Variants in FHAD1 observed in about 807,000 individuals in gnomAD.
The protein encoded by FHAD1 is forkhead associated phosphopeptide binding domain 1.
In FHAD1, 146 loss-of-function variants were observed where a neutral mutation model predicts 191.3. The observed-to-expected ratio is 0.76, with a 90% CI of 0.67 to 0.88. The LOEUF (loss-of-function observed/expected upper bound fraction) is 0.88. FHAD1 is among the 40% of genes least tolerant of loss of function. The probability of loss-of-function intolerance (pLI) is 0.00; values close to 1 mark genes in which losing one functional copy is unlikely to be tolerated. For synonymous variants in FHAD1, 616 were observed against 672.3 expected (o/e 0.92, Z 1.29); for missense variants, 1,635 against 1,785.8 (o/e 0.92, Z 1.52).
At chr1:15,350,002 G>T (rs957348534) in intron 19 of FHAD1, among the ~76,000 whole-genome samples, 1 of 152,224 alleles carries the variant, frequency 6.6e-6, no homozygotes, top group Non-Finnish European at 1.5e-5. Context: ...GCATCTCCAT[G>T]AGCTGGGCTT....
At chr1:15,268,979 A>C (rs909300777) in intron 2 of FHAD1, among the ~76,000 whole-genome samples, 11 of 152,026 alleles carry the variant, frequency 7.2e-5, no homozygotes, top group African/African-American at 2.7e-4. Flanking sequence ...ATAGAATATA[A>C]ATATTCCATA....
rs1696227394 is a variant in FHAD1, at chr1:15,365,750, A to C, written c.3048-77A>C. On this transcript the variant is annotated intron_variant, in intron 23 of 33. Coordinates refer to ENST00000688493, the MANE Select transcript of FHAD1 (RefSeq NM_001391957.1). ...TGATTGAGAATCTCTTTGCATTTGT[A>C]CTTGGCCCCTCCTGACACTCAGGAG... 4.9e-6 allele frequency: 4 copies of C among 824,692 alleles called. No homozygotes were observed. The East Asian group carries it at 1.1e-4, about 23-fold the overall frequency. 51.1% of individuals were successfully genotyped at this position (824,692 alleles called of 1,614,324 possible).
Position 15,339,489 on chromosome 1 carries a change from T to C in FHAD1, c.1915T>C (p.Leu639=), listed in dbSNP as rs1335797585. ...LPSSPNKGFS[L]YLIYLLEHYK... is the part of the protein sequence containing the mutation. Reference sequence around the variant, plus strand: ...GCTTCTCTTTTTTTAAGGGTTCTCTTTGTATCTGATATATCTTCTGGAACA... The same window carrying C: ...GCTTCTCTTTTTTTAAGGGTTCTCTCTGTATCTGATATATCTTCTGGAACA... The change falls in exon 15 of 34, where the codon TTG becomes CTG. Residue 639 remains leucine (L), a synonymous_variant. Transcript: ENST00000688493. The C allele has an allele frequency of 1.6e-6, 2 of 1,270,776 alleles. No individual in the cohort carries two copies. Among genetic ancestry groups the C allele is most frequent in the Non-Finnish European group, 1.0e-6 (1 of 965,858 alleles). 78.7% of individuals were successfully genotyped at this position (1,270,776 alleles called of 1,614,324 possible). A position where few individuals can be genotyped will look rare whatever the true frequency, so the allele number is the denominator to read the frequency against.
At chr1:15,373,024 A>G (rs1404133200) in intron 26 of FHAD1, among the ~76,000 whole-genome samples, 1 of 152,220 alleles carries the variant, frequency 6.6e-6, no homozygotes, top group Non-Finnish European at 1.5e-5. Context: ...GAGGTGCTCA[A>G]TAAATCGATG....
chr1:15,374,684 T>G, intron 27 of FHAD1, 53 bp downstream of exon 27: 2 of 1,543,588 alleles, frequency 1.3e-6, no homozygotes, highest in East Asian at 2.5e-5. Context: ...CCGGCTCACT[T>G]TGGGGACTGA....
In FHAD1 at chr1:15,381,980, T is replaced by C; in HGVS notation, c.4023-48T>C. ...TCCGGGTCTGGCACATTGATGATGA[T>C]TGGGAAAGATAAGGGAAAAACAGAC... On this transcript the variant is annotated intron_variant, in intron 30 of 33. Transcript: ENST00000688493. The surrounding 1 kb of genome is among the most constrained non-coding windows in gnomAD (Gnocchi z 4.6). 6.5e-7 allele frequency: 1 copy of C among 1,539,758 alleles called. No homozygotes were observed. Among genetic ancestry groups the C allele is most frequent in the Non-Finnish European group, 8.8e-7 (1 of 1,138,582 alleles).
At position 15,329,557 on chromosome 1, in the gene FHAD1, T is replaced by C; in HGVS notation, c.1906+16T>C. The stretch of plus-strand genomic sequence containing the variant: ...CCCAACAAAGGTTACTGGGACTTTT[T>C]TTCTCACATGGTTGCATGACTCTAA... On this transcript the variant is annotated intron_variant, in intron 14 of 33. Coordinates refer to ENST00000688493, the MANE Select transcript of FHAD1 (RefSeq NM_001391957.1). The surrounding 1 kb of genome is among the most constrained non-coding windows in gnomAD (Gnocchi z 5.0). 6.5e-7 allele frequency: 1 copy of C among 1,548,878 alleles called. No homozygotes were observed. Among genetic ancestry groups the C allele is most frequent in the Non-Finnish European group, 8.7e-7 (1 of 1,145,190 alleles).
At chr1:15,333,824 CTTTTTTTTT>C (rs55698715) in intron 14 of FHAD1, among the ~76,000 whole-genome samples, 4 of 64,810 alleles carry the variant, frequency 6.2e-5, no homozygotes, top group Non-Finnish European at 8.5e-5. Context: ...TTTTATTTAT[CTTTTTTTTT>C]TTTTTTTTTT....
chr1:15,271,947 G>T (rs554015631), intron 2 of FHAD1, among the ~76,000 whole-genome samples: 1 of 152,018 alleles, frequency 6.6e-6, no homozygotes, highest in South Asian at 2.1e-4. Flanking sequence ...TTCGGTTTTG[G>T]TAAAATAAAA....
chr1:15,241,746 T>C (rs1027407963), intron 1 of FHAD1, among the ~76,000 whole-genome samples: 1 of 152,100 alleles, frequency 6.6e-6, no homozygotes, highest in Non-Finnish European at 1.5e-5. Context: ...GGGTGGGTCA[T>C]GACTGGAAGG....
At chr1:15,314,256 G>GGC (rs1673244117) in intron 8 of FHAD1, among the ~76,000 whole-genome samples, 1 of 152,074 alleles carries the variant, frequency 6.6e-6, no homozygotes, top group African/African-American at 2.4e-5. Context: ...AGTCTGCATG[G>GGC]GCACCCAGGC....
chr1:15,371,553 T>A (rs1162581865), intron 26 of FHAD1, among the ~76,000 whole-genome samples: 2 of 152,160 alleles, frequency 1.3e-5, no homozygotes, highest in Non-Finnish European at 2.9e-5. Flanking sequence ...CACATGGAGC[T>A]CCTGGTACCC....
In FHAD1 at chr1:15,313,082, CAT is replaced by C; in HGVS notation, c.1068_1069del (p.Leu357SerfsTer4). ...SGMVSSLQKD[I>X]LAKDEQVQQL... Reference sequence around the variant, plus strand: ...GGATGGTGTCATCTTTGCAAAAAGACATATTAGCAAAGGATGAGCAAGTTCAA... The same window carrying C: ...GGATGGTGTCATCTTTGCAAAAAGACATTAGCAAAGGATGAGCAAGTTCAA... On this transcript the variant is annotated frameshift_variant, in exon 8 of 34. Coordinates refer to ENST00000688493, the MANE Select transcript of FHAD1 (RefSeq NM_001391957.1). LOFTEE classifies it high-confidence loss of function. 3.2e-6 allele frequency: 5 copies of C among 1,551,656 alleles called. No homozygotes were observed. Among genetic ancestry groups the C allele is most frequent in the Non-Finnish European group, 4.4e-6 (5 of 1,146,976 alleles).
chr1:15,363,933 A>T (rs1325075143), intron 23 of FHAD1: 1 of 373,846 alleles, frequency 2.7e-6, no homozygotes, highest in African/African-American at 2.1e-5. Flanking sequence ...CCGAAGTCTA[A>T]TGTCACAGGG....
chr1:15,247,788 A>G (rs894906953), intron 1 of FHAD1, among the ~76,000 whole-genome samples: 9 of 152,158 alleles, frequency 5.9e-5, no homozygotes, highest in African/African-American at 1.7e-4. Flanking sequence ...AGGAATTTCT[A>G]GGGCTCCCAG....
In FHAD1 at chr1:15,367,604, C is replaced by T; in HGVS notation, c.3296C>T (p.Ala1099Val). 1 of 1,543,716 alleles carries T rather than the reference C, an allele frequency of 6.5e-7. No individual in the cohort carries two copies. The change falls in exon 25 of 34, where the codon GCC becomes GTC. Residue 1099 changes from alanine (A) to valine (V), a missense_variant. By Grantham distance (64) the Ala-to-Val change is moderately conservative. Transcript: ENST00000688493. ...GAAAAGAAAGATCGGGAGCTGAAGG[C>T]CCTTGAGGAGGCACTCAGGTTGGGT... The part of the protein sequence containing the change: ...LVEKKDRELK[A>V]LEEALRASQE...
intron 16 of FHAD1, among the ~76,000 whole-genome samples, chr1:15,342,731 C>G (rs1234701818): frequency 6.6e-6 from 1 of 151,908 alleles, no homozygotes; most frequent in Non-Finnish European, 1.5e-5. Context: ...GTGACCATAG[C>G]TCACCACAGC....
At chr1:15,386,983 C>T (rs190176557) in intron 31 of FHAD1, among the ~76,000 whole-genome samples, 126 of 152,226 alleles carry the variant, frequency 8.3e-4, no homozygotes, top group African/African-American at 2.8e-3. Flanking sequence ...CCACCTCAGC[C>T]TTCCAAGTAG....
chr1:15,238,419 T>A (rs986641598), intron 1 of FHAD1, among the ~76,000 whole-genome samples: 2 of 151,912 alleles, frequency 1.3e-5, no homozygotes, highest in African/African-American at 4.8e-5. Flanking sequence ...TCTCAAAAGG[T>A]AGGAATCATG....
Sources: allele counts gnomAD v4.1 joint callset (sites outside exome capture counted in the v4.1 genomes callset), GRCh38; gene constraint gnomAD v4.1.1; non-coding constraint Gnocchi (gnomAD v3.1); transcripts MANE v1.5; gene names NCBI Gene and HGNC (gene_info 2026-07-23, HGNC 2026-07-21).